CECR2: variants seen among roughly 807,000 people sequenced by gnomAD.
The protein encoded by CECR2 is chromatin remodeling regulator CECR2.
Under a neutral mutation model 154.5 loss-of-function variants are expected in CECR2, and 30 were observed. That is an observed-to-expected ratio of 0.19 (90% CI 0.15 to 0.26). The LOEUF (loss-of-function observed/expected upper bound fraction) is 0.26. Ranked by LOEUF, CECR2 falls within the 10% of genes least tolerant of loss-of-function variation. CECR2 has a pLI of 1.00. For synonymous variants in CECR2, 725 were observed against 683.7 expected (o/e 1.06, Z -0.94); for missense variants, 1,743 against 1,829.3 (o/e 0.95, Z 0.86).
At chr22:17,364,381 G>A (rs567915002) in intron 1 of CECR2, among the ~76,000 whole-genome samples, 1 of 146,786 alleles carries the variant, frequency 6.8e-6, no homozygotes, top group East Asian at 2.0e-4. Flanking sequence ...GCCATACTTG[G>A]GCTTAGTTAT....
chr22:17,489,629 G>T (rs952542323), intron 2 of CECR2, among the ~76,000 whole-genome samples: 1 of 151,746 alleles, frequency 6.6e-6, no homozygotes, highest in Non-Finnish European at 1.5e-5. Context: ...CTTATTTAAA[G>T]CATATTTGTT....
intron 1 of CECR2, among the ~76,000 whole-genome samples, chr22:17,360,842 TCAAA>T (rs112098808): frequency 0.56 from 83,441 of 149,872 alleles, 25,015 homozygotes; most frequent in African/African-American, 0.79. Flanking sequence ...AGACCCTGTC[TCAAA>T]CAAACAAACA....
intron 7 of CECR2, among the ~76,000 whole-genome samples, chr22:17,506,121 A>G (rs1235937483): frequency 1.3e-5 from 2 of 152,110 alleles, no homozygotes; most frequent in African/African-American, 4.8e-5. Context: ...TGCTGGGATT[A>G]TAGGCATGAG....
chr22:17,493,375 C>A (rs751161802), intron 2 of CECR2, among the ~76,000 whole-genome samples: 15 of 152,156 alleles, frequency 9.9e-5, no homozygotes, highest in Non-Finnish European at 1.6e-4. Flanking sequence ...TAAGTGTTTT[C>A]TGTCCTATAG....
intron 9 of CECR2, among the ~76,000 whole-genome samples, chr22:17,525,883 A>C (rs1179623844): frequency 6.6e-6 from 1 of 152,214 alleles, no homozygotes; most frequent in Non-Finnish European, 1.5e-5. Flanking sequence ...TGTAAGATTA[A>C]TAATGCCTGT....
In CECR2 at chr22:17,519,053, C is replaced by T. The variant is rs116954965; in HGVS notation, c.955-5065C>T. On this transcript the variant is annotated intron_variant, in intron 8 of 18. Coordinates refer to ENST00000262608, the MANE Select transcript of CECR2 (RefSeq NM_001290047.2). ...TTAACTTCTCTCCTTCATTTAGATTCTTACCAGGGTATTACTTCAAAGCCA... is the reference window on the plus strand; with the variant it reads ...TTAACTTCTCTCCTTCATTTAGATTTTTACCAGGGTATTACTTCAAAGCCA... The T allele has an allele frequency of 3.8e-3, 605 of 160,746 alleles. 4 individuals are homozygous for T. The highest frequency in any genetic ancestry group is 0.017 in the Middle Eastern group (10 of 574). The allele number at this position is 160,746 out of a possible 1,614,324, so 10.0% of individuals were successfully genotyped here.
rs562131493 is a variant in CECR2 at position 17,548,923 on chromosome 22, G to T, written c.3636G>T (p.Trp1212Cys). The change falls in exon 17 of 19, where the codon TGG becomes TGT. Residue 1212 changes from tryptophan (W) to cysteine (C), a missense_variant. Coordinates refer to ENST00000262608, the MANE Select transcript of CECR2 (RefSeq NM_001290047.2). ...CCTGTCCACAGAGCTTTTCTGACTGGCAGAGACCTCTCCATCCCCAGGGAA... is the reference window on the plus strand; with the variant it reads ...CCTGTCCACAGAGCTTTTCTGACTGTCAGAGACCTCTCCATCCCCAGGGAA... Reference protein sequence around the residue: ...YYACPQSFSDWQRPLHPQGSP... With the variant: ...YYACPQSFSDCQRPLHPQGSP... 1 of 1,613,614 alleles carries T rather than the reference G, an allele frequency of 6.2e-7. No individual in the cohort carries two copies. Among genetic ancestry groups the T allele is most frequent in the African/African-American group, 1.3e-5 (1 of 74,972 alleles).
At chr22:17,552,752 G>A in intron 18 of CECR2, 83 bp from the exon 19 acceptor site, 1 of 1,070,474 alleles carries the variant, frequency 9.3e-7, no homozygotes, top group Non-Finnish European at 1.3e-6. Context: ...TGAGGAGCTT[G>A]GACATTCTTT....
At chr22:17,519,951 C>T (rs2056127895) in intron 8 of CECR2, among the ~76,000 whole-genome samples, 1 of 151,944 alleles carries the variant, frequency 6.6e-6, no homozygotes, top group South Asian at 2.1e-4. Context: ...CCACCGTGCC[C>T]AGCTAATTTT....
chr22:17,441,286 A>G (rs2054581500), intron 1 of CECR2, among the ~76,000 whole-genome samples: 1 of 152,076 alleles, frequency 6.6e-6, no homozygotes. Flanking sequence ...TGAGGGAGCA[A>G]GTATACTGGT....
chr22:17,505,354 A>AG (rs2055820395), intron 7 of CECR2, among the ~76,000 whole-genome samples: 1 of 151,492 alleles, frequency 6.6e-6, no homozygotes, highest in Non-Finnish European at 1.5e-5. Context: ...AAAAAAAAAA[A>AG]TCTTGTGGGT....
chr22:17,372,461 TTCG>T (rs1322773954), intron 1 of CECR2, among the ~76,000 whole-genome samples: 6 of 151,646 alleles, frequency 4.0e-5, no homozygotes, highest in African/African-American at 9.7e-5. Context: ...AAGTCAGGAG[TTCG>T]AGACGAGACT....
chr22:17,451,495 G>C (rs1157712143), intron 1 of CECR2, among the ~76,000 whole-genome samples: 1 of 151,992 alleles, frequency 6.6e-6, no homozygotes, highest in Non-Finnish European at 1.5e-5. Context: ...GTGCCTCTCT[G>C]GGCCTGAAAA....
At chr22:17,499,602 G>T in intron 4 of CECR2, 53 bp downstream of exon 4, 2 of 1,509,780 alleles carry the variant, frequency 1.3e-6, no homozygotes, top group South Asian at 2.6e-5. Flanking sequence ...ATGTCATTAA[G>T]ATTAAATGCA....
chr22:17,510,966 A>G lies in CECR2; in HGVS notation c.871-847A>G, dbSNP rs117411776. Among the ~76,000 whole-genome samples the G allele has an allele frequency of 3.1e-4, 47 of 152,318 alleles. 1 individual carries two copies. The highest frequency in any genetic ancestry group is 6.3e-4 in the Non-Finnish European group (43 of 68,016). ...AAATGTACCCCCGTGGCTTTGCGGTATGTTTAAGTTGTATAAACCACCCCT... is the reference window on the plus strand; with the variant it reads ...AAATGTACCCCCGTGGCTTTGCGGTGTGTTTAAGTTGTATAAACCACCCCT... On this transcript the variant is annotated intron_variant, in intron 7 of 18. Coordinates refer to ENST00000262608, the MANE Select transcript of CECR2 (RefSeq NM_001290047.2).
At chr22:17,496,217 G>GACGGGC (rs1338098908) in intron 2 of CECR2, among the ~76,000 whole-genome samples, 1 of 151,994 alleles carries the variant, frequency 6.6e-6, no homozygotes, top group Non-Finnish European at 1.5e-5. Flanking sequence ...TCAAAGAAAG[G>GACGGGC]ACGGGCACGG....
intron 1 of CECR2, among the ~76,000 whole-genome samples, chr22:17,398,659 G>A (rs2146527682): frequency 6.6e-6 from 1 of 152,196 alleles, no homozygotes; most frequent in South Asian, 2.1e-4. Context: ...TTTAGAAATG[G>A]GAATAAACAG....
At chr22:17,538,767 G>T in intron 12 of CECR2, 36 bp downstream of exon 12, 1 of 1,530,226 alleles carries the variant, frequency 6.5e-7, no homozygotes, top group African/African-American at 1.4e-5. Context: ...CTACTATAGT[G>T]TGTATATCTT....
intron 18 of CECR2, 42 bp from the exon 19 acceptor site, chr22:17,552,793 C>T: frequency 1.3e-6 from 1 of 747,154 alleles, no homozygotes; most frequent in Non-Finnish European, 1.8e-6. Flanking sequence ...TTTTTAACAA[C>T]CCAATTTTTA....
Sources: allele counts gnomAD v4.1 joint callset (sites outside exome capture counted in the v4.1 genomes callset), GRCh38; gene constraint gnomAD v4.1.1; transcripts MANE v1.5; gene names NCBI Gene and HGNC (gene_info 2026-07-23, HGNC 2026-07-21).